Variants in BIN2 observed in about 807,000 individuals in gnomAD.
BIN2 encodes bridging integrator 2.
BIN2 carries 43 observed loss-of-function variants against 67.9 expected under a neutral mutation model. The observed-to-expected ratio is 0.63, with a 90% CI of 0.50 to 0.82. The LOEUF (loss-of-function observed/expected upper bound fraction) is 0.82. Among genes scored for constraint, BIN2 ranks in the 40% least tolerant of loss-of-function variants. The pLI, the probability that BIN2 is intolerant of heterozygous loss-of-function variation, is 0.00. For missense variants in BIN2, 581 were observed against 671.6 expected (o/e 0.87, Z 1.49); for synonymous variants, 244 against 246.8 (o/e 0.99, Z 0.11).
chr12:51,296,978 C>A, intron 8 of BIN2, 111 bp downstream of exon 8: 2 of 1,014,290 alleles, frequency 2.0e-6, no homozygotes, highest in East Asian at 2.5e-5. Context: ...AGAGAAAAGC[C>A]AAAATCTGTG....
chr12:51,307,282 CAAA>C (rs11348350), intron 2 of BIN2, among the ~76,000 whole-genome samples: 11 of 101,544 alleles, frequency 1.1e-4, no homozygotes, highest in Admixed American at 3.1e-4. Context: ...GACTCTGACT[CAAA>C]AAAAAAAAAA....
intron 4 of BIN2, chr12:51,302,412 T>TA: frequency 1.9e-6 from 1 of 524,986 alleles, no homozygotes; most frequent in Non-Finnish European, 3.4e-6. Context: ...AAGTTTGTTT[T>TA]AAAAAACAAC....
Position 51,295,783 on chromosome 12 carries a change from G to C in BIN2, c.761+13C>G. ...AGGACAAGCGAAGCAAAAAAGTCTT[G>C]GATGCTGCTCACCTTGACAGTCCCT... On this transcript the variant is annotated intron_variant, in intron 9 of 12. Transcript: ENST00000615107. 6.2e-7 allele frequency: 1 copy of C among 1,611,046 alleles called. No homozygotes were observed. Among genetic ancestry groups the C allele is most frequent in the South Asian group, 1.1e-5 (1 of 90,898 alleles).
At chr12:51,323,568 G>C (rs1401563210) in intron 1 of BIN2, among the ~76,000 whole-genome samples, 3 of 152,148 alleles carry the variant, frequency 2.0e-5, no homozygotes, top group Non-Finnish European at 4.4e-5. Flanking sequence ...AGCCTTTGGT[G>C]GGGGGTGCCT....
chr12:51,301,397 T>C (rs1157858012), intron 5 of BIN2, among the ~76,000 whole-genome samples: 2 of 152,188 alleles, frequency 1.3e-5, no homozygotes, highest in Non-Finnish European at 2.9e-5. Context: ...TCCTCTTCTA[T>C]ACAATAAACA....
intron 11 of BIN2, among the ~76,000 whole-genome samples, chr12:51,286,988 A>G (rs1406289182): frequency 2.0e-5 from 3 of 151,358 alleles, no homozygotes; most frequent in Admixed American, 1.3e-4. Context: ...CGCCTGGCTA[A>G]TTTTTGTATT....
chr12:51,302,191 C>T lies in BIN2; in HGVS notation c.313-76G>A, dbSNP rs181789796. On this transcript the variant is annotated intron_variant, in intron 4 of 12. Transcript: ENST00000615107. The stretch of plus-strand genomic sequence containing the variant: ...TGCCTACCAGGGAAATACCCAAATT[C>T]TCCCTGCAAAAACCTTTTTTGTAGC... 23 of 1,150,160 alleles carry T rather than the reference C, an allele frequency of 2.0e-5. No homozygotes were observed. In the Admixed American group the frequency reaches 4.3e-4, roughly 22 times the overall value. 71.2% of individuals were successfully genotyped at this position (1,150,160 alleles called of 1,614,324 possible).
At chr12:51,309,011 T>G (rs912182270) in intron 2 of BIN2, among the ~76,000 whole-genome samples, 1 of 152,002 alleles carries the variant, frequency 6.6e-6, no homozygotes, top group African/African-American at 2.4e-5. Context: ...ATCAGGAATG[T>G]GGGCGAATGG....
chr12:51,315,466 C>A (rs1565689351), intron 1 of BIN2, among the ~76,000 whole-genome samples: 1 of 152,166 alleles, frequency 6.6e-6, no homozygotes, highest in Non-Finnish European at 1.5e-5. Context: ...GCCACTGCGC[C>A]CGGCCTGTTA....
intron 2 of BIN2, among the ~76,000 whole-genome samples, chr12:51,305,165 CA>C (rs1351280993): frequency 4.7e-5 from 7 of 148,910 alleles, no homozygotes; most frequent in Non-Finnish European, 1.5e-5. Flanking sequence ...GGTGAAACCC[CA>C]TCTCTACTAA....
intron 2 of BIN2, among the ~76,000 whole-genome samples, chr12:51,308,038 G>A (rs1031944525): frequency 2.6e-5 from 4 of 152,076 alleles, no homozygotes; most frequent in Non-Finnish European, 4.4e-5. Context: ...GGTGGGGGTA[G>A]TGGTATGGAG....
At chr12:51,306,717 C>G (rs747700726) in intron 2 of BIN2, among the ~76,000 whole-genome samples, 3 of 152,214 alleles carry the variant, frequency 2.0e-5, no homozygotes, top group Non-Finnish European at 4.4e-5. Context: ...GGTAATGGGT[C>G]ACTGGTGACC....
intron 1 of BIN2, among the ~76,000 whole-genome samples, chr12:51,320,635 T>TTTA (rs1491190030): frequency 1.7e-5 from 1 of 60,250 alleles, no homozygotes; most frequent in Non-Finnish European, 3.1e-5. Flanking sequence ...ATCATTATTC[T>TTTA]TTTTTTTTTT....
chr12:51,306,606 G>A (rs1448377212), intron 2 of BIN2, among the ~76,000 whole-genome samples: 1 of 152,184 alleles, frequency 6.6e-6, no homozygotes, highest in Non-Finnish European at 1.5e-5. Context: ...CAGCCTGGGC[G>A]ACACAGCAGA....
At chr12:51,302,509 T>G in intron 4 of BIN2, 177 bp downstream of exon 4, 1 of 614,806 alleles carries the variant, frequency 1.6e-6, no homozygotes, top group Non-Finnish European at 2.9e-6. Flanking sequence ...AGGGAAAACT[T>G]GTTTTTACCT....
At position 51,292,166 on chromosome 12, in the gene BIN2, C is replaced by A. The variant is rs868179494; in HGVS notation, c.940G>T (p.Glu314Ter). 1 of 1,613,848 alleles carries A rather than the reference C, an allele frequency of 6.2e-7. No homozygotes were observed. The highest frequency in any genetic ancestry group is 1.1e-5 in the South Asian group (1 of 91,084). Residue 314 changes from glutamate (E) to a stop codon, truncating the protein, a stop_gained, in exon 10 of 13, where the codon GAG becomes TAG. Transcript: ENST00000615107. LOFTEE classifies it high-confidence loss of function. Reference sequence around the variant, plus strand: ...TCTATTTCCTCCTCTTCTAAGAGCTCCTTGATCTCAGAATTGTCTTCCCCT... The same window carrying A: ...TCTATTTCCTCCTCTTCTAAGAGCTACTTGATCTCAGAATTGTCTTCCCCT... Reference protein sequence around the residue: ...AQGEDNSEIKELLEEEEIEKE... With the variant: ...AQGEDNSEIK
intron 2 of BIN2, among the ~76,000 whole-genome samples, chr12:51,311,772 A>ATT (rs146519794): frequency 0.13 from 19,430 of 151,182 alleles, 1,372 homozygotes; most frequent in East Asian, 0.24. Flanking sequence ...ATTGATAATG[A>ATT]ATTTTTTTTT....
intron 2 of BIN2, among the ~76,000 whole-genome samples, chr12:51,309,787 C>T (rs1399270762): frequency 6.6e-6 from 1 of 152,182 alleles, no homozygotes; most frequent in Non-Finnish European, 1.5e-5. Context: ...AGGGGATTGT[C>T]CCATCAGATC....
chr12:51,313,713 G>T, intron 2 of BIN2, 110 bp downstream of exon 2: 2 of 969,516 alleles, frequency 2.1e-6, no homozygotes, highest in Non-Finnish European at 3.3e-6. Context: ...TAGGGGGAGG[G>T]TGGCTTGGTG....
Sources: gnomAD v4.1 joint callset for allele counts (sites outside exome capture counted in the v4.1 genomes callset) on GRCh38, gnomAD v4.1.1 for gene constraint, MANE v1.5 for transcripts, NCBI Gene and HGNC (gene_info 2026-07-23, HGNC 2026-07-21) for gene names.